Variants in DLC1 observed in about 807,000 individuals in gnomAD.
The protein encoded by DLC1 is DLC1 Rho GTPase activating protein, also known as rho GTPase-activating protein 7.
Under a neutral mutation model 140.3 loss-of-function variants are expected in DLC1, and 54 were observed. That is an observed-to-expected ratio of 0.38 (90% CI 0.31 to 0.48). DLC1 has a LOEUF of 0.48. Ranked by LOEUF, DLC1 falls within the 20% of genes least tolerant of loss-of-function variation. The pLI is 0.96. For synonymous variants in DLC1, 986 were observed against 728.1 expected, an observed-to-expected ratio of 1.35 and a Z score of -5.70; for missense variants, 2,536 against 1,907.0, an observed-to-expected ratio of 1.33 and a Z score of -6.14.
At chr8:13,273,873 A>G (rs1034967916) in intron 5 of DLC1, among the ~76,000 whole-genome samples, 1 of 152,198 alleles carries the variant, frequency 6.6e-6, no homozygotes, top group South Asian at 2.1e-4. Context: ...CTAAAATCTC[A>G]GATTAGTTTT....
intron 5 of DLC1, among the ~76,000 whole-genome samples, chr8:13,200,188 G>A (rs1249428175): frequency 2.0e-5 from 3 of 151,904 alleles, no homozygotes; most frequent in Non-Finnish European, 4.4e-5. Flanking sequence ...AATTACAGGT[G>A]TATGCTACCA....
At chr8:13,086,685 T>C (rs529719095) in intron 16 of DLC1, among the ~76,000 whole-genome samples, 1 of 152,048 alleles carries the variant, frequency 6.6e-6, no homozygotes, top group Admixed American at 6.5e-5. Flanking sequence ...AATACAACAG[T>C]GTTGGGAGGT....
intron 5 of DLC1, chr8:13,214,416 T>A: frequency 2.1e-6 from 1 of 470,826 alleles, no homozygotes; most frequent in South Asian, 3.9e-5. Context: ...TTGCTTGGTC[T>A]GAAGGACCTT....
chr8:13,522,639 T>C (rs1034624565), intron 1 of DLC1, among the ~76,000 whole-genome samples: 1 of 151,394 alleles, frequency 6.6e-6, no homozygotes, highest in African/African-American at 2.4e-5. Context: ...AATAAATAAA[T>C]AAACAAATAA....
At chr8:13,308,735 G>C (rs1832555357) in intron 4 of DLC1, among the ~76,000 whole-genome samples, 1 of 152,102 alleles carries the variant, frequency 6.6e-6, no homozygotes, top group African/African-American at 2.4e-5. Flanking sequence ...TCACATCACT[G>C]GTGTGTCATT....
At chr8:13,220,981 T>A (rs151253961) in intron 5 of DLC1, among the ~76,000 whole-genome samples, 317 of 152,090 alleles carry the variant, frequency 2.1e-3, no homozygotes, top group African/African-American at 6.9e-3. Flanking sequence ...CGTATGAGGG[T>A]GTTAGGTGAT....
At chr8:13,353,059 A>T (rs1186349828) in intron 4 of DLC1, among the ~76,000 whole-genome samples, 1 of 152,160 alleles carries the variant, frequency 6.6e-6, no homozygotes, top group African/African-American at 2.4e-5. Flanking sequence ...GTCCCAGATG[A>T]TGTTACTCTG....
intron 5 of DLC1, among the ~76,000 whole-genome samples, chr8:13,298,252 C>A (rs1832042385): frequency 6.6e-6 from 1 of 152,140 alleles, no homozygotes; most frequent in African/African-American, 2.4e-5. Flanking sequence ...CCAAGGAAAG[C>A]AACCAAAGTC....
intron 4 of DLC1, among the ~76,000 whole-genome samples, chr8:13,316,082 G>A (rs1832850206): frequency 6.6e-6 from 1 of 152,200 alleles, no homozygotes; most frequent in Non-Finnish European, 1.5e-5. Context: ...CAGCACGCAG[G>A]TTGCGCACTG....
At position 13,250,842 on chromosome 8, in the gene DLC1, T is replaced by A. The variant is rs529917862; in HGVS notation, c.1348+54427A>T. 2.8e-3 allele frequency among the ~76,000 whole-genome samples: 421 copies of A among 152,236 alleles called. 1 individual carries two copies. Among genetic ancestry groups the A allele is most frequent in the Non-Finnish European group, 4.6e-3 (313 of 67,998 alleles). ...AAACAAGCTTCTATTATTACCATAA[T>A]TTCATAAGAGTGAGGATATTTTAAT... On this transcript the variant is annotated intron_variant, in intron 5 of 17. Coordinates refer to ENST00000276297, the MANE Select transcript of DLC1 (RefSeq NM_182643.3).
chr8:13,399,506 C>T (rs1341448230), intron 3 of DLC1, among the ~76,000 whole-genome samples: 1 of 152,160 alleles, frequency 6.6e-6, no homozygotes, highest in Non-Finnish European at 1.5e-5. Flanking sequence ...TTACATAAAG[C>T]TTAGCACTCA....
intron 1 of DLC1, among the ~76,000 whole-genome samples, chr8:13,576,492 G>A (rs376713307): frequency 1.8e-4 from 28 of 152,296 alleles, no homozygotes; most frequent in East Asian, 1.4e-3. Context: ...TGTAAACATA[G>A]AAATATGTTG....
At position 13,539,173 on chromosome 8, in the gene DLC1, T is replaced by TTGTGTGTATGTATGTA. The variant is rs5889450; in HGVS notation, c.-125-38978_-125-38977insTACATACATACACACA. Among the ~76,000 whole-genome samples the TTGTGTGTATGTATGTA allele has an allele frequency of 1.2e-3, 132 of 110,498 alleles. 1 individual carries two copies. Among genetic ancestry groups the TTGTGTGTATGTATGTA allele is most frequent in the African/African-American group, 4.4e-3 (121 of 27,360 alleles). The allele number at this position is 110,498 out of a possible 152,430, so 72.5% of individuals were successfully genotyped here. On this transcript the variant is annotated intron_variant, in intron 1 of 1. Transcript: ENST00000631382. ...TGCTTTTTTTCAGTAGATCTGCAAATTGTATGTATGTGTGTATGTATGTAT... is the reference window on the plus strand; with the variant it reads ...TGCTTTTTTTCAGTAGATCTGCAAATTGTGTGTATGTATGTATGTATGTATGTGTGTATGTATGTAT...
chr8:13,451,213 TA>T (rs1301231597), intron 2 of DLC1, among the ~76,000 whole-genome samples: 5 of 152,058 alleles, frequency 3.3e-5, no homozygotes, highest in African/African-American at 1.2e-4. Flanking sequence ...ATTGACTATT[TA>T]AAAAATTTTT....
chr8:13,591,763 A>T (rs1390644122), intron 1 of DLC1, among the ~76,000 whole-genome samples: 1 of 152,116 alleles, frequency 6.6e-6, no homozygotes, highest in Non-Finnish European at 1.5e-5. Flanking sequence ...GATATGTCAG[A>T]TATGAAATTT....
chr8:13,249,974 G>C (rs1438767945), intron 5 of DLC1, among the ~76,000 whole-genome samples: 1 of 152,074 alleles, frequency 6.6e-6, no homozygotes, highest in African/African-American at 2.4e-5. Flanking sequence ...TGGCTTGGGG[G>C]GCCTCTCCCT....
chr8:13,091,445 AATAC>A lies in DLC1; in HGVS notation c.3741-17_3741-14del. 6.2e-7 allele frequency: 1 copy of A among 1,604,644 alleles called. No homozygotes were observed. Reference sequence around the variant, plus strand: ...TCTTTGCATTACCCTAGGTAGAAGAAATACAGGAGGGGAACAGTTCAAATATTTA... The same window carrying A: ...TCTTTGCATTACCCTAGGTAGAAGAAAGGAGGGGAACAGTTCAAATATTTA... On this transcript the variant is annotated splice_polypyrimidine_tract_variant and intron_variant, in intron 13 of 17. Transcript: ENST00000276297.
At position 13,568,157 on chromosome 8, in the gene DLC1, G is replaced by T. The variant is rs781400973; in HGVS notation, c.-126+36380C>A. On this transcript the variant is annotated intron_variant, in intron 1 of 1. Coordinates refer to the DLC1 transcript ENST00000631382. The stretch of plus-strand genomic sequence containing the variant: ...AAATTCCAAGAGAACTATGTTGGTA[G>T]TTTGGGCCAGGATGTTGATGGTACA... The T allele has an allele frequency of 2.7e-5, 15 of 557,366 alleles. No individual in the cohort carries two copies. The African/African-American group carries it at 2.9e-4, about 11-fold the overall frequency. 34.5% of individuals were successfully genotyped at this position (557,366 alleles called of 1,614,324 possible).
At chr8:13,344,035 C>T (rs1323166283) in intron 4 of DLC1, among the ~76,000 whole-genome samples, 1 of 152,070 alleles carries the variant, frequency 6.6e-6, no homozygotes, top group East Asian at 1.9e-4. Context: ...CTTGGGATTT[C>T]TTCTGACTTG....
Sources: gnomAD v4.1 joint callset for allele counts (sites outside exome capture counted in the v4.1 genomes callset) on GRCh38, gnomAD v4.1.1 for gene constraint, MANE v1.5 for transcripts, NCBI Gene and HGNC (gene_info 2026-07-23, HGNC 2026-07-21) for gene names.